The following TGFBR3 variants were observed in gnomAD, a reference collection of about 807,000 sequenced individuals.
The protein encoded by TGFBR3 is transforming growth factor beta receptor 3, also known as transforming growth factor beta receptor type 3.
A neutral mutation model predicts 87.9 loss-of-function variants in TGFBR3; 46 were observed. The ratio of observed to expected loss-of-function variants is 0.52; its 90% CI spans 0.41 to 0.67. The LOEUF (loss-of-function observed/expected upper bound fraction) is 0.67, where lower values mean the gene tolerates loss of function less well. TGFBR3 is among the 30% of genes least tolerant of loss of function. TGFBR3 has a pLI of 0.00. For synonymous variants in TGFBR3, 381 were observed against 391.6 expected, an observed-to-expected ratio of 0.97 and a Z score of 0.32; for missense variants, 866 against 1,041.9, an observed-to-expected ratio of 0.83 and a Z score of 2.32.
chr1:91,758,894 C>T (rs1571480738), intron 3 of TGFBR3, 144 bp from the exon 4 acceptor site: 1 of 1,055,730 alleles, frequency 9.5e-7, no homozygotes, highest in Non-Finnish European at 1.4e-6. Context: ...GAATAAGATA[C>T]ATTAAGTTGA....
At chr1:91,734,053 AGAGGGAGGGAGG>A (rs1553163106) in intron 5 of TGFBR3, among the ~76,000 whole-genome samples, 2 of 48,596 alleles carry the variant, frequency 4.1e-5, no homozygotes, top group African/African-American at 2.1e-4. Flanking sequence ...AGGGAGGGAG[AGAGGGAGGGAGG>A]GAGGGAGGGA....
rs775208341 is a variant in TGFBR3 at position 91,758,729 on chromosome 1, T to C, written c.268A>G (p.Ile90Val). The C allele has an allele frequency of 5.6e-6, 9 of 1,613,862 alleles. No individual in the cohort carries two copies. The highest frequency in any genetic ancestry group is 7.6e-6 in the Non-Finnish European group (9 of 1,179,870). Reference sequence around the variant, plus strand: ...TTGTGGTGGATGTGGACTGAGGAGATGGGATTCAGGTGAAGTGTGACCTAG... The same window carrying C: ...TTGTGGTGGATGTGGACTGAGGAGACGGGATTCAGGTGAAGTGTGACCTAG... ...QREVTLHLNP[I>V]SSVHIHHKSV... The change falls in exon 4 of 17, where the codon ATC becomes GTC. Residue 90 changes from isoleucine to valine, a missense_variant. By Grantham distance (29) the Ile-to-Val change is conservative. Transcript: ENST00000212355.
intron 2 of TGFBR3, among the ~76,000 whole-genome samples, chr1:91,803,824 T>C (rs1675732939): frequency 1.3e-5 from 2 of 152,050 alleles, no homozygotes; most frequent in African/African-American, 4.8e-5. Flanking sequence ...TCCCTCACTG[T>C]GTTAGATCTG....
At chr1:91,734,060 G>GAGAGGGAGGGAGGGAA (rs1672867474) in intron 5 of TGFBR3, among the ~76,000 whole-genome samples, 1 of 134,580 alleles carries the variant, frequency 7.4e-6, no homozygotes, top group Non-Finnish European at 1.6e-5. Context: ...GAGAGAGGGA[G>GAGAGGGAGGGAGGGAA]GGAGGGAGGG....
chr1:91,682,117 A>G lies in TGFBR3; in HGVS notation c.*1622T>C. 1 of 454,074 alleles carries G rather than the reference A, an allele frequency of 2.2e-6. No homozygotes were observed. Among genetic ancestry groups the G allele is most frequent in the Non-Finnish European group, 4.4e-6 (1 of 226,772 alleles). 28.1% of individuals were successfully genotyped at this position (454,074 alleles called of 1,614,324 possible). A position where few individuals can be genotyped will look rare whatever the true frequency, so the allele number is the denominator to read the frequency against. On this transcript the variant is annotated 3_prime_UTR_variant, in exon 17 of 17. Transcript: ENST00000212355. ...TCATATTATTACTCAACGATTTGGTAAAAATGATTGTCAATTTCCACATAC... is the reference window on the plus strand; with the variant it reads ...TCATATTATTACTCAACGATTTGGTGAAAATGATTGTCAATTTCCACATAC...
chr1:91,734,982 T>C (rs1468924425), intron 4 of TGFBR3, 23 bp from the exon 5 acceptor site: 1 of 1,613,622 alleles, frequency 6.2e-7, no homozygotes, highest in African/African-American at 1.3e-5. Context: ...GAATTGCGTA[T>C]TTAACATGGT....
chr1:91,850,101 A>AAAAAAAAAAAAAAAAAAAAAAG (rs1677668086), intron 2 of TGFBR3, among the ~76,000 whole-genome samples: 1 of 138,492 alleles, frequency 7.2e-6, no homozygotes, highest in Non-Finnish European at 1.5e-5. Flanking sequence ...AAAAAAAAAA[A>AAAAAAAAAAAAAAAAAAAAAAG]AAAGAAAGAA....
At chr1:91,731,151 T>C (rs1196339068) in intron 5 of TGFBR3, among the ~76,000 whole-genome samples, 2 of 152,250 alleles carry the variant, frequency 1.3e-5, no homozygotes, top group African/African-American at 2.4e-5. Flanking sequence ...TAAAACAGAC[T>C]TCTGCCTTTT....
At chr1:91,762,464 T>C (rs1327167074) in intron 3 of TGFBR3, among the ~76,000 whole-genome samples, 1 of 152,180 alleles carries the variant, frequency 6.6e-6, no homozygotes, top group East Asian at 1.9e-4. Context: ...TCTTAAGATG[T>C]CATCCTTTCA....
intron 4 of TGFBR3, among the ~76,000 whole-genome samples, chr1:91,754,555 A>C (rs1418410731): frequency 6.6e-6 from 1 of 152,224 alleles, no homozygotes; most frequent in African/African-American, 2.4e-5. Context: ...CAGAATAACC[A>C]GATAAAGGAG....
chr1:91,724,217 G>A (rs1672471183), intron 7 of TGFBR3, among the ~76,000 whole-genome samples: 1 of 152,118 alleles, frequency 6.6e-6, no homozygotes, highest in Non-Finnish European at 1.5e-5. Context: ...GGTAAAGAAG[G>A]GCTAGGGAGG....
chr1:91,683,269 G>A lies in TGFBR3; in HGVS notation c.*470C>T, dbSNP rs138858788. The A allele has an allele frequency of 1.1e-4, 51 of 455,616 alleles. 1 individual carries two copies. The highest frequency in any genetic ancestry group is 6.9e-4 in the Middle Eastern group (1 of 1,448). The allele number at this position is 455,616 out of a possible 1,614,324, so 28.2% of individuals were successfully genotyped here. On this transcript the variant is annotated 3_prime_UTR_variant, in exon 17 of 17. Coordinates refer to ENST00000212355, the MANE Select transcript of TGFBR3 (RefSeq NM_003243.5). ...GGAGGATCGCTTAGAAAGCCTCAAA[G>A]CATTTCTTGTTTTACATCTTGGTTC...
intron 2 of TGFBR3, among the ~76,000 whole-genome samples, chr1:91,849,589 G>A (rs1212034965): frequency 6.6e-6 from 1 of 152,120 alleles, no homozygotes; most frequent in South Asian, 2.1e-4. Flanking sequence ...CTTTTTATTC[G>A]ACGAACCTGC....
chr1:91,785,907 C>T (rs1294128391), intron 3 of TGFBR3, among the ~76,000 whole-genome samples: 2 of 151,932 alleles, frequency 1.3e-5, no homozygotes, highest in African/African-American at 4.8e-5. Context: ...GCTGGGACCA[C>T]AGGTGCACAC....
At chr1:91,700,601 C>T (rs979919125) in intron 14 of TGFBR3, among the ~76,000 whole-genome samples, 10 of 152,108 alleles carry the variant, frequency 6.6e-5, no homozygotes, top group Non-Finnish European at 1.2e-4. Flanking sequence ...CAAAAGTATA[C>T]TTAAATACAA....
chr1:91,844,764 T>A (rs956996655), intron 2 of TGFBR3, among the ~76,000 whole-genome samples: 5 of 152,226 alleles, frequency 3.3e-5, no homozygotes, highest in African/African-American at 1.2e-4. Context: ...TATACAGAAT[T>A]ACCTCTCCAA....
intron 2 of TGFBR3, among the ~76,000 whole-genome samples, chr1:91,810,492 CCTCTACTTACCAGAAA>C (rs1256494974): frequency 6.6e-6 from 1 of 152,170 alleles, no homozygotes; most frequent in African/African-American, 2.4e-5. Flanking sequence ...GTTTGTGTGT[CCTCTACTTACCAGAAA>C]CTCCATGAGG....
Position 91,886,070 on chromosome 1 carries a change from C to A in TGFBR3, c.-306G>T. 1 of 454,046 alleles carries A rather than the reference C, an allele frequency of 2.2e-6. No individual in the cohort carries two copies. Among genetic ancestry groups the A allele is most frequent in the South Asian group, 1.6e-5 (1 of 64,450 alleles). The allele number at this position is 454,046 out of a possible 1,614,324, so 28.1% of individuals were successfully genotyped here. ...CCGGGAATCGCGCAGGGAAAGTGGC[C>A]GGGGCGCGAGAGCCGCCGACTGCCC... On this transcript the variant is annotated 5_prime_UTR_variant, in exon 1 of 17. Transcript: ENST00000212355.
At chr1:91,886,271 G>A (rs543475015), upstream of TGFBR3, 19 of 427,586 alleles carry the variant, frequency 4.4e-5, no homozygotes, top group African/African-American at 3.7e-4. Context: ...GGCCCCACCG[G>A]GGGCTCTCGG....
Sources: gnomAD v4.1 joint callset for allele counts (sites outside exome capture counted in the v4.1 genomes callset) on GRCh38, gnomAD v4.1.1 for gene constraint, MANE v1.5 for transcripts, NCBI Gene and HGNC (gene_info 2026-07-23, HGNC 2026-07-21) for gene names.